PIK3CB: variants seen among roughly 807,000 people sequenced by gnomAD.
The protein encoded by PIK3CB is phosphatidylinositol-4,5-bisphosphate 3-kinase catalytic subunit beta, also known as phosphatidylinositol 4,5-bisphosphate 3-kinase catalytic subunit beta isoform.
PIK3CB carries 39 observed loss-of-function variants against 136.8 expected under a neutral mutation model. The ratio of observed to expected loss-of-function variants is 0.29; its 90% CI spans 0.22 to 0.37. The LOEUF is 0.37. Ranked by LOEUF, PIK3CB falls within the 10% of genes least tolerant of loss-of-function variation. The pLI is 1.00. For synonymous variants in PIK3CB, 428 were observed against 436.6 expected (o/e 0.98, Z 0.25); for missense variants, 868 against 1,275.4 (o/e 0.68, Z 4.87).
intron 19 of PIK3CB, among the ~76,000 whole-genome samples, chr3:138,677,115 A>G (rs934859824): frequency 5.4e-5 from 8 of 148,496 alleles, no homozygotes; most frequent in Admixed American, 4.8e-4. Flanking sequence ...TGGAGTATGC[A>G]ATGGTGCCAT....
intron 8 of PIK3CB, among the ~76,000 whole-genome samples, chr3:138,730,489 GGAAGAACAAGCA>G (rs1174651034): frequency 6.6e-6 from 1 of 152,080 alleles, no homozygotes; most frequent in African/African-American, 2.4e-5. Flanking sequence ...CCTGCAAATG[GGAAGAACAAGCA>G]GAAATTCCCA....
intron 12 of PIK3CB, 128 bp downstream of exon 12, chr3:138,704,315 A>G (rs2044318005): frequency 1.4e-6 from 1 of 726,402 alleles, no homozygotes; most frequent in African/African-American, 1.8e-5. Context: ...GTGCATACTT[A>G]CCCACACTCA....
chr3:138,739,313 G>A (rs1559853082), intron 5 of PIK3CB, among the ~76,000 whole-genome samples: 1 of 151,962 alleles, frequency 6.6e-6, no homozygotes, highest in Non-Finnish European at 1.5e-5. Context: ...GCATGGTGGT[G>A]CATGCCTGTA....
intron 2 of PIK3CB, among the ~76,000 whole-genome samples, chr3:138,788,989 AAAAC>A (rs1285588290): frequency 3.0e-4 from 43 of 144,546 alleles, no homozygotes; most frequent in African/African-American, 1.1e-3. Context: ...AAAAAAAAAA[AAAAC>A]AAAAAACAAC....
At chr3:138,828,954 A>ATT (rs34176247) in intron 1 of PIK3CB, among the ~76,000 whole-genome samples, 3,991 of 130,764 alleles carry the variant, frequency 0.031, 194 homozygotes, top group African/African-American at 0.11. Context: ...CACCAGGCTA[A>ATT]TTTTTTTTTT....
intron 1 of PIK3CB, among the ~76,000 whole-genome samples, chr3:138,823,947 G>A (rs1026042913): frequency 3.9e-5 from 6 of 152,086 alleles, no homozygotes; most frequent in Admixed American, 3.3e-4. Context: ...AGGTCTTCAT[G>A]GTCTAGAAAG....
At chr3:138,744,911 G>A (rs780760907) in intron 4 of PIK3CB, among the ~76,000 whole-genome samples, 4 of 152,078 alleles carry the variant, frequency 2.6e-5, no homozygotes, top group Admixed American at 1.3e-4. Flanking sequence ...ATTTCTCCAC[G>A]ATCTGTATCT....
chr3:138,824,060 GAGA>G (rs1023919633), intron 1 of PIK3CB, among the ~76,000 whole-genome samples: 26 of 152,120 alleles, frequency 1.7e-4, no homozygotes, highest in African/African-American at 3.4e-4. Flanking sequence ...TAAGTGGCAG[GAGA>G]AGAAGATAAA....
intron 4 of PIK3CB, among the ~76,000 whole-genome samples, chr3:138,750,177 C>A (rs935514097): frequency 6.6e-6 from 1 of 152,126 alleles, no homozygotes; most frequent in Non-Finnish European, 1.5e-5. Flanking sequence ...CCAAGCTCGG[C>A]CAATGTGATG....
At chr3:138,697,051 T>C (rs1262431876) in intron 13 of PIK3CB, among the ~76,000 whole-genome samples, 1 of 152,180 alleles carries the variant, frequency 6.6e-6, no homozygotes, top group East Asian at 1.9e-4. Context: ...AGTGTAAAAT[T>C]AAATAAATTG....
intron 12 of PIK3CB, among the ~76,000 whole-genome samples, chr3:138,700,926 C>G (rs919479761): frequency 9.9e-5 from 15 of 152,088 alleles, no homozygotes; most frequent in African/African-American, 3.4e-4. Flanking sequence ...TACTTAGTGT[C>G]AAAATACGCC....
intron 8 of PIK3CB, among the ~76,000 whole-genome samples, chr3:138,723,289 G>A (rs1418729831): frequency 6.6e-6 from 1 of 152,060 alleles, no homozygotes; most frequent in African/African-American, 2.4e-5. Context: ...AGTGGCTCAC[G>A]CCTGTAATCG....
intron 2 of PIK3CB, among the ~76,000 whole-genome samples, chr3:138,774,360 A>C (rs1464579092): frequency 6.6e-6 from 1 of 152,200 alleles, no homozygotes; most frequent in East Asian, 1.9e-4. Flanking sequence ...TATGGGAGCA[A>C]AGCAAATATC....
At chr3:138,756,081 T>C in intron 3 of PIK3CB, 102 bp from the exon 4 acceptor site, 1 of 504,678 alleles carries the variant, frequency 2.0e-6, no homozygotes, top group East Asian at 3.1e-5. Flanking sequence ...AATAAAAAAC[T>C]ATGAACAAAT....
chr3:138,720,911 GA>G (rs1277717973), intron 8 of PIK3CB, among the ~76,000 whole-genome samples: 7 of 151,872 alleles, frequency 4.6e-5, no homozygotes, highest in Non-Finnish European at 1.0e-4. Flanking sequence ...AGAAAATAAA[GA>G]AAAAACTATT....
intron 10 of PIK3CB, among the ~76,000 whole-genome samples, chr3:138,708,629 G>A (rs552641615): frequency 2.1e-4 from 32 of 148,914 alleles, no homozygotes; most frequent in African/African-American, 7.7e-4. Flanking sequence ...TTTTTTTAGA[G>A]ACGGGGTCTT....
rs879667038 is a variant in PIK3CB, at chr3:138,831,286, T to TAAAATA, written c.-122+3408_-122+3409insTATTTT. On this transcript the variant is annotated intron_variant, in intron 1 of 23. Coordinates refer to ENST00000674063, the MANE Select transcript of PIK3CB (RefSeq NM_006219.3). ...TAAATAAAATAAAATAAAATAAAAT[T>TAAAATA]AAATTAAATTAAAATTAAAAATAGT... 3.8e-3 allele frequency among the ~76,000 whole-genome samples: 321 copies of TAAAATA among 85,562 alleles called. 1 individual carries two copies. The highest frequency in any genetic ancestry group is 0.011 in the African/African-American group (232 of 21,646). 56.1% of individuals were successfully genotyped at this position (85,562 alleles called of 152,430 possible).
chr3:138,759,002 C>A (rs1418898596), intron 3 of PIK3CB, among the ~76,000 whole-genome samples, 171 bp downstream of exon 3: 2 of 151,854 alleles, frequency 1.3e-5, no homozygotes, highest in Non-Finnish European at 2.9e-5. Flanking sequence ...GTTTTAATAA[C>A]CCAAACAAAC....
intron 8 of PIK3CB, among the ~76,000 whole-genome samples, chr3:138,723,605 T>G (rs1014298523): frequency 6.6e-6 from 1 of 152,174 alleles, no homozygotes; most frequent in East Asian, 1.9e-4. Context: ...TATCCAACTT[T>G]AATAAATTTT....
Sources: allele counts gnomAD v4.1 joint callset (sites outside exome capture counted in the v4.1 genomes callset), GRCh38; gene constraint gnomAD v4.1.1; transcripts MANE v1.5; gene names NCBI Gene and HGNC (gene_info 2026-07-23, HGNC 2026-07-21).